CD9: variants seen among roughly 807,000 people sequenced by gnomAD.
CD9 encodes the protein CD9 molecule.
CD9 carries 10 observed loss-of-function variants against 31.4 expected under a neutral mutation model. The observed-to-expected ratio is 0.32, with a 90% CI of 0.20 to 0.54. The LOEUF (loss-of-function observed/expected upper bound fraction) is 0.54, where lower values mean the gene tolerates loss of function less well. CD9 is among the 20% of genes least tolerant of loss of function. CD9 has a pLI of 0.94. For synonymous variants in CD9, 113 were observed against 114.1 expected (o/e 0.99, Z 0.06); for missense variants, 259 against 300.1 (o/e 0.86, Z 1.01).
At chr12:6,221,670 T>C (rs566653452) in intron 1 of CD9, among the ~76,000 whole-genome samples, 11 of 151,920 alleles carry the variant, frequency 7.2e-5, no homozygotes, top group Non-Finnish European at 1.3e-4. Context: ...CCCATTTAGT[T>C]TCTCCTATTA....
At chr12:6,201,444 G>A (rs1946076325) in intron 1 of CD9, among the ~76,000 whole-genome samples, 1 of 152,156 alleles carries the variant, frequency 6.6e-6, no homozygotes, top group Non-Finnish European at 1.5e-5. Flanking sequence ...TCCCCTCCCC[G>A]CCAGCCCAGG....
chr12:6,216,180 A>G (rs548188586), intron 1 of CD9, among the ~76,000 whole-genome samples: 1 of 152,342 alleles, frequency 6.6e-6, no homozygotes, highest in Admixed American at 6.5e-5. Flanking sequence ...CGAGGCCCAG[A>G]GCCCACAGGT....
intron 1 of CD9, among the ~76,000 whole-genome samples, chr12:6,207,977 C>T (rs1431363927): frequency 6.6e-6 from 1 of 152,154 alleles, no homozygotes; most frequent in East Asian, 1.9e-4. Context: ...ATAATCCCAG[C>T]ATTTTGGGAG....
At chr12:6,204,534 C>G (rs750363032) in intron 1 of CD9, among the ~76,000 whole-genome samples, 1 of 152,190 alleles carries the variant, frequency 6.6e-6, no homozygotes, top group Non-Finnish European at 1.5e-5. Flanking sequence ...TCAGTTCCCT[C>G]TCCTCACCCT....
chr12:6,225,793 C>CTGCCAAAGTTGTACTCATTCTTGAGGGTT, intron 2 of CD9: 1 of 484,632 alleles, frequency 2.1e-6, no homozygotes, highest in Non-Finnish European at 3.7e-6. Flanking sequence ...GATGTAGCCT[C>CTGCCAAAGTTGTACTCATTCTTGAGGGTT]TGCCAAAGTT....
At chr12:6,229,509 G>A (rs1946415094) in intron 2 of CD9, among the ~76,000 whole-genome samples, 1 of 152,240 alleles carries the variant, frequency 6.6e-6, no homozygotes, top group East Asian at 1.9e-4. Context: ...ACTTATTCCC[G>A]TGAACTCGGG....
chr12:6,236,414 A>G (rs1946524980), intron 7 of CD9, 139 bp downstream of exon 7: 1 of 715,310 alleles, frequency 1.4e-6, no homozygotes, highest in African/African-American at 1.8e-5. Context: ...CCATTTTACC[A>G]CTAGGGAATG....
At chr12:6,200,240 G>A (rs1013724917), upstream of CD9, 1 of 183,948 alleles carries the variant, frequency 5.4e-6, no homozygotes. Flanking sequence ...CTGGGCGGGG[G>A]CGGGGGGCGG....
At chr12:6,224,705 C>T (rs10849422) in intron 1 of CD9, among the ~76,000 whole-genome samples, 5,489 of 152,260 alleles carry the variant, frequency 0.036, 323 homozygotes, top group African/African-American at 0.12. Context: ...CGGGTGACGA[C>T]GAGGGAGCTC....
At chr12:6,216,300 A>G (rs1030401996) in intron 1 of CD9, among the ~76,000 whole-genome samples, 5 of 152,084 alleles carry the variant, frequency 3.3e-5, no homozygotes, top group African/African-American at 1.2e-4. Flanking sequence ...GGCCTGGAAA[A>G]CTGCTGGTGT....
At chr12:6,202,534 A>G (rs1946088607) in intron 1 of CD9, among the ~76,000 whole-genome samples, 1 of 152,230 alleles carries the variant, frequency 6.6e-6, no homozygotes, top group South Asian at 2.1e-4. Flanking sequence ...AGGGAAACAC[A>G]GACTGCCACA....
Position 6,232,436 on chromosome 12 carries a change from G to T in CD9, c.176-196G>T. 1.6e-6 allele frequency: 1 copy of T among 625,050 alleles called. No individual in the cohort carries two copies. Among genetic ancestry groups the T allele is most frequent in the East Asian group, 2.8e-5 (1 of 36,352 alleles). 38.7% of individuals were successfully genotyped at this position (625,050 alleles called of 1,614,324 possible). On this transcript the variant is annotated intron_variant, in intron 2 of 7. Transcript: ENST00000009180. This position sits in a 1 kb window ranked among gnomAD's most constrained non-coding sequence, Gnocchi z 4.8. ...GATGAAGCAGAGTCATGCAAGAGAGGCTGGTGGGAAGGAGACCTGGGGCAG... is the reference window on the plus strand; with the variant it reads ...GATGAAGCAGAGTCATGCAAGAGAGTCTGGTGGGAAGGAGACCTGGGGCAG...
intron 2 of CD9, among the ~76,000 whole-genome samples, chr12:6,228,325 G>C (rs991263265): frequency 1.7e-4 from 26 of 152,146 alleles, no homozygotes; most frequent in Admixed American, 5.9e-4. Context: ...GCCGAGGCAG[G>C]CAGATCACCC....
At chr12:6,235,205 C>A in intron 4 of CD9, 24 bp from the exon 5 acceptor site, 1 of 1,500,386 alleles carries the variant, frequency 6.7e-7, no homozygotes, top group South Asian at 1.1e-5. Flanking sequence ...CCGTCTCTGC[C>A]CCTCTCTCGT....
chr12:6,209,914 A>C (rs552737960), intron 1 of CD9, among the ~76,000 whole-genome samples: 1 of 152,006 alleles, frequency 6.6e-6, no homozygotes, highest in African/African-American at 2.4e-5. Context: ...CGAACTGCTG[A>C]CCTCAGGTGA....
intron 1 of CD9, among the ~76,000 whole-genome samples, chr12:6,215,323 G>A (rs1295202409): frequency 6.6e-6 from 1 of 152,184 alleles, no homozygotes; most frequent in East Asian, 1.9e-4. Context: ...GCTTTTCTCT[G>A]TCCTTCCTGA....
upstream of CD9, chr12:6,200,223 C>G (rs1205369240): frequency 6.5e-6 from 1 of 153,800 alleles, no homozygotes; most frequent in Admixed American, 7.6e-5. Flanking sequence ...GGCCGGGGCT[C>G]GCCGACCTGG....
intron 1 of CD9, among the ~76,000 whole-genome samples, chr12:6,216,908 T>G (rs1946248750): frequency 6.6e-6 from 1 of 152,230 alleles, no homozygotes; most frequent in South Asian, 2.1e-4. Context: ...GTCATTTTTT[T>G]TCCCTATGGA....
chr12:6,237,820 A>G lies in CD9; in HGVS notation c.679A>G (p.Met227Val), dbSNP rs777932393. The G allele has an allele frequency of 6.8e-6, 11 of 1,612,094 alleles. No homozygotes were observed. Among genetic ancestry groups the G allele is most frequent in the Admixed American group, 5.0e-5 (3 of 59,976 alleles). ...LCCAIRRNRE[M>V]V ...CTGTGCTATCCGCAGGAACCGCGAGATGGTCTAGAGTCAGCTTACATCCCT... is the reference window on the plus strand; with the variant it reads ...CTGTGCTATCCGCAGGAACCGCGAGGTGGTCTAGAGTCAGCTTACATCCCT... Residue 227 changes from methionine (M) to valine (V), a missense_variant, in exon 8 of 8, where the codon ATG becomes GTG. By Grantham distance (21) the Met-to-Val change is conservative. Coordinates refer to ENST00000009180, the MANE Select transcript of CD9 (RefSeq NM_001769.4).
Sources: allele counts gnomAD v4.1 joint callset (sites outside exome capture counted in the v4.1 genomes callset), GRCh38; gene constraint gnomAD v4.1.1; non-coding constraint Gnocchi (gnomAD v3.1); transcripts MANE v1.5; gene names NCBI Gene and HGNC (gene_info 2026-07-23, HGNC 2026-07-21).